MYBPC1: variants seen among roughly 807,000 people sequenced by gnomAD.
MYBPC1 encodes the protein myosin binding protein C1, also known as myosin-binding protein C, slow-type.
A neutral mutation model predicts 147.1 loss-of-function variants in MYBPC1; 52 were observed. The ratio of observed to expected loss-of-function variants is 0.35; its 90% CI spans 0.28 to 0.45. The LOEUF (loss-of-function observed/expected upper bound fraction) is 0.45, where lower values mean the gene tolerates loss of function less well. MYBPC1 is among the 20% of genes least tolerant of loss of function. The probability of loss-of-function intolerance (pLI) is 1.00; values close to 1 mark genes in which losing one functional copy is unlikely to be tolerated. For synonymous variants in MYBPC1, 477 were observed against 475.9 expected, an observed-to-expected ratio of 1.00 and a Z score of -0.03; for missense variants, 1,228 against 1,440.3, an observed-to-expected ratio of 0.85 and a Z score of 2.39.
At chr12:101,606,470 T>TA (rs940196311) in intron 1 of MYBPC1, among the ~76,000 whole-genome samples, 6 of 151,454 alleles carry the variant, frequency 4.0e-5, no homozygotes, top group Non-Finnish European at 2.9e-5. Flanking sequence ...TTTAGTATTT[T>TA]TTTTTTTTTT....
Position 101,595,056 on chromosome 12 carries a change from C to T in MYBPC1, c.-15C>T, listed in dbSNP as rs1212535700. ...GGGAAGGAGACTCTTTAAAGAATAA[C>T]ATCTTATTGTGGCCATGCCAGAACC... On this transcript the variant is annotated 5_prime_UTR_variant, in exon 1 of 32. Transcript: ENST00000361466. The T allele has an allele frequency of 3.1e-6, 5 of 1,612,194 alleles. No individual in the cohort carries two copies. The highest frequency in any genetic ancestry group is 4.5e-5 in the East Asian group (2 of 44,790).
chr12:101,689,261 A>T (rs1454258025), downstream of MYBPC1, among the ~76,000 whole-genome samples: 1 of 152,216 alleles, frequency 6.6e-6, no homozygotes, highest in Non-Finnish European at 1.5e-5. Flanking sequence ...TTGGGGATTC[A>T]GATTCCAGAG....
intron 5 of MYBPC1, 168 bp downstream of exon 5, chr12:101,627,972 C>T: frequency 2.5e-6 from 2 of 797,048 alleles, no homozygotes; most frequent in Non-Finnish European, 4.1e-6. Flanking sequence ...TATTGAGAAA[C>T]AATTAATTTT....
At chr12:101,651,187 G>T in intron 15 of MYBPC1, 44 bp from the exon 16 acceptor site, 3 of 1,611,198 alleles carry the variant, frequency 1.9e-6, no homozygotes, top group South Asian at 1.1e-5. Context: ...TTGGCCTGTT[G>T]GGAGTTTGGG....
chr12:101,647,489 A>G (rs825054), intron 13 of MYBPC1, among the ~76,000 whole-genome samples: 15,172 of 152,286 alleles, frequency 0.1, 1,229 homozygotes, highest in African/African-American at 0.22. Context: ...CTTGAGAACA[A>G]TAATTGATTT....
At chr12:101,606,461 T>G (rs1415222373) in intron 1 of MYBPC1, among the ~76,000 whole-genome samples, 2 of 141,554 alleles carry the variant, frequency 1.4e-5, no homozygotes, top group African/African-American at 6.0e-5. Context: ...ATAAATCAAT[T>G]TAGTATTTTT....
rs763300828 is a variant in MYBPC1, at chr12:101,653,207, G to A, written c.1726G>A (p.Gly576Arg). 2.4e-5 allele frequency: 39 copies of A among 1,613,984 alleles called. No individual in the cohort carries two copies. The highest frequency in any genetic ancestry group is 3.0e-5 in the Non-Finnish European group (35 of 1,180,026). ...NKLRLEIPIS[G>R]EPPPKAMWSR... ...GCTTCGTCTTGAGATCCCCATCAGC[G>A]GAGAACCACCTCCTAAAGCCATGTG... The change falls in exon 18 of 32, where the codon GGA becomes AGA. Residue 576 changes from glycine to arginine, a missense_variant. Physicochemically the swap from Gly to Arg is moderately radical, Grantham distance 125 (BLOSUM62 -2). Around this residue, in one of 2 missense-constraint regions of MYBPC1, gnomAD observed 1,077 missense variants for 1,314.2 expected, o/e 0.82. Transcript: ENST00000361466.
At chr12:101,623,393 C>T (rs1295885948) in intron 3 of MYBPC1, among the ~76,000 whole-genome samples, 1 of 152,168 alleles carries the variant, frequency 6.6e-6, no homozygotes, top group Non-Finnish European at 1.5e-5. Context: ...ATGCATGTAA[C>T]AAACCATCAC....
At chr12:101,646,052 G>A (rs1474870440) in intron 12 of MYBPC1, among the ~76,000 whole-genome samples, 1 of 152,260 alleles carries the variant, frequency 6.6e-6, no homozygotes, top group South Asian at 2.1e-4. Flanking sequence ...CAATGGATAA[G>A]ATCAAGTCTC....
At chr12:101,648,326 A>G (rs1289928751) in intron 14 of MYBPC1, among the ~76,000 whole-genome samples, 176 bp downstream of exon 14, 1 of 152,218 alleles carries the variant, frequency 6.6e-6, no homozygotes, top group Non-Finnish European at 1.5e-5. Flanking sequence ...TTTTCCACTC[A>G]TGAGACTGAA....
chr12:101,636,883 G>A (rs1397718371), intron 10 of MYBPC1, 155 bp downstream of exon 10: 2 of 657,756 alleles, frequency 3.0e-6, no homozygotes, highest in Non-Finnish European at 5.4e-6. Flanking sequence ...ACTAGAAAGA[G>A]AGAAACAACT....
intron 9 of MYBPC1, among the ~76,000 whole-genome samples, chr12:101,634,937 CAA>C (rs1377424703): frequency 6.6e-6 from 1 of 152,140 alleles, no homozygotes; most frequent in Non-Finnish European, 1.5e-5. Context: ...AAGAAATACG[CAA>C]AGAGACTCAT....
intron 3 of MYBPC1, among the ~76,000 whole-genome samples, chr12:101,621,505 G>A (rs1305339993): frequency 2.0e-5 from 3 of 152,106 alleles, no homozygotes; most frequent in African/African-American, 7.2e-5. Flanking sequence ...TATTGCTGTT[G>A]TTATTTTGGT....
chr12:101,602,884 G>T (rs192280832), intron 1 of MYBPC1, among the ~76,000 whole-genome samples: 1 of 152,252 alleles, frequency 6.6e-6, no homozygotes, highest in East Asian at 1.9e-4. Context: ...TGTCCAATTC[G>T]GGGGTCTGTA....
intron 1 of MYBPC1, among the ~76,000 whole-genome samples, chr12:101,613,548 A>G (rs1041321202): frequency 3.3e-5 from 5 of 152,182 alleles, no homozygotes; most frequent in African/African-American, 1.2e-4. Context: ...AGTGAGTGAT[A>G]CTCACATGTC....
At chr12:101,621,199 C>T (rs1678943915) in intron 3 of MYBPC1, among the ~76,000 whole-genome samples, 1 of 152,168 alleles carries the variant, frequency 6.6e-6, no homozygotes, top group African/African-American at 2.4e-5. Context: ...TAAAATTTCT[C>T]CATGCTTAAT....
intron 23 of MYBPC1, among the ~76,000 whole-genome samples, chr12:101,668,218 G>A (rs541840715): frequency 4.6e-5 from 7 of 152,096 alleles, no homozygotes; most frequent in Non-Finnish European, 1.0e-4. Flanking sequence ...CAATCCCTAC[G>A]ACAACCATAT....
intron 12 of MYBPC1, 168 bp from the exon 13 acceptor site, chr12:101,646,595 C>T: frequency 5.6e-6 from 4 of 716,204 alleles, no homozygotes; most frequent in South Asian, 3.4e-5. Context: ...GCTATGTTTG[C>T]ACCACTGCAC....
intron 22 of MYBPC1, among the ~76,000 whole-genome samples, 179 bp from the exon 23 acceptor site, chr12:101,667,553 T>A (rs921101185): frequency 2.6e-5 from 4 of 152,226 alleles, no homozygotes; most frequent in African/African-American, 9.6e-5. Flanking sequence ...GGCTGTTTTT[T>A]ATTTAATATA....
Sources: gnomAD v4.1 joint callset for allele counts (sites outside exome capture counted in the v4.1 genomes callset) on GRCh38, gnomAD v4.1.1 for gene constraint, gnomAD v4.1.1 regional missense constraint, MANE v1.5 for transcripts, NCBI Gene and HGNC (gene_info 2026-07-23, HGNC 2026-07-21) for gene names.